VEGFC: variants seen among roughly 807,000 people sequenced by gnomAD.
VEGFC encodes the protein FLT4 ligand DHM.
Under a neutral mutation model 46.1 loss-of-function variants are expected in VEGFC, and 12 were observed. That is an observed-to-expected ratio of 0.26 (90% CI 0.17 to 0.42). The LOEUF is 0.42. Among genes scored for constraint, VEGFC ranks in the 10% least tolerant of loss-of-function variants. VEGFC has a pLI of 1.00. For synonymous variants in VEGFC, 232 were observed against 195.5 expected (o/e 1.19, Z -1.56); for missense variants, 488 against 529.4 (o/e 0.92, Z 0.77).
intron 1 of VEGFC, among the ~76,000 whole-genome samples, chr4:176,783,978 G>A (rs1465220731): frequency 2.0e-5 from 3 of 151,716 alleles, no homozygotes; most frequent in Admixed American, 6.5e-5. Context: ...TTCTGATCAT[G>A]AAGACTATCT....
chr4:176,782,147 A>G (rs1300246030), intron 1 of VEGFC, among the ~76,000 whole-genome samples: 1 of 152,258 alleles, frequency 6.6e-6, no homozygotes, highest in Non-Finnish European at 1.5e-5. Flanking sequence ...TCTAACAATA[A>G]AAATGTAAGC....
intron 6 of VEGFC, among the ~76,000 whole-genome samples, chr4:176,686,372 G>A (rs1438566378): frequency 6.6e-6 from 1 of 152,198 alleles, no homozygotes; most frequent in African/African-American, 2.4e-5. Flanking sequence ...GAAGAGAACA[G>A]ACCTGGGTTG....
chr4:176,732,792 C>T (rs904166084), intron 1 of VEGFC, among the ~76,000 whole-genome samples: 23 of 151,042 alleles, frequency 1.5e-4, no homozygotes, highest in African/African-American at 5.3e-4. Context: ...ACACTTAATA[C>T]CAATAGCAAT....
At position 176,715,213 on chromosome 4, in the gene VEGFC, C is replaced by A. The variant is rs535911632; in HGVS notation, c.553-3563G>T. On this transcript the variant is annotated intron_variant, in intron 3 of 6. Coordinates refer to ENST00000618562, the MANE Select transcript of VEGFC (RefSeq NM_005429.5). ...TTTTTTGTGTCTAAGTAGCAATTGG[C>A]AGGCTGAATTCAGTTAATTTTGTCA... is the stretch of plus-strand genomic sequence containing the variant. 4.0e-4 allele frequency among the ~76,000 whole-genome samples: 61 copies of A among 152,186 alleles called. 1 individual carries two copies. Among genetic ancestry groups the A allele is most frequent in the African/African-American group, 1.4e-3 (59 of 41,520 alleles).
At chr4:176,688,075 A>G (rs997956595) in intron 4 of VEGFC, 148 bp from the exon 5 acceptor site, 9 of 526,622 alleles carry the variant, frequency 1.7e-5, no homozygotes, top group Non-Finnish European at 3.0e-5. Flanking sequence ...TTTCTCCCAA[A>G]CTCTCTCTAC....
intron 1 of VEGFC, among the ~76,000 whole-genome samples, chr4:176,777,967 T>C (rs77081511): frequency 0.093 from 13,145 of 140,808 alleles, 2,049 homozygotes; most frequent in African/African-American, 0.29. Flanking sequence ...TTGTTATATG[T>C]AGAGGATCTA....
At chr4:176,743,384 C>T (rs1338253974) in intron 1 of VEGFC, among the ~76,000 whole-genome samples, 1 of 151,496 alleles carries the variant, frequency 6.6e-6, no homozygotes. Context: ...AAATAATGTC[C>T]AATAAAAATT....
At chr4:176,771,625 A>G (rs912665997) in intron 1 of VEGFC, among the ~76,000 whole-genome samples, 1 of 152,180 alleles carries the variant, frequency 6.6e-6, no homozygotes, top group Non-Finnish European at 1.5e-5. Context: ...AGAGAGGCAC[A>G]GGTAGACACA....
intron 1 of VEGFC, among the ~76,000 whole-genome samples, chr4:176,774,856 A>C (rs1045969397): frequency 2.0e-5 from 3 of 151,766 alleles, no homozygotes; most frequent in African/African-American, 7.3e-5. Context: ...CTTATGCTTT[A>C]CTGTTGCTTT....
intron 1 of VEGFC, among the ~76,000 whole-genome samples, chr4:176,778,835 G>A (rs1476583851): frequency 1.3e-5 from 2 of 151,958 alleles, no homozygotes; most frequent in Non-Finnish European, 2.9e-5. Context: ...ATTTCTTTCT[G>A]TCCTCATAAA....
At chr4:176,703,891 T>C (rs763221816) in intron 4 of VEGFC, among the ~76,000 whole-genome samples, 3 of 152,258 alleles carry the variant, frequency 2.0e-5, no homozygotes, top group Non-Finnish European at 4.4e-5. Context: ...TTACTTACCC[T>C]TTCTGATTCA....
intron 1 of VEGFC, among the ~76,000 whole-genome samples, chr4:176,786,911 G>A (rs939724493): frequency 2.0e-5 from 3 of 152,018 alleles, no homozygotes; most frequent in Non-Finnish European, 4.4e-5. Flanking sequence ...TGTGGAACAG[G>A]GCTACAATCC....
intron 1 of VEGFC, among the ~76,000 whole-genome samples, chr4:176,751,088 TAATTC>T (rs1354925843): frequency 6.6e-6 from 1 of 151,738 alleles, no homozygotes. Flanking sequence ...AAATTTAAGG[TAATTC>T]AACTCAAGAA....
rs1411067610 is a variant in VEGFC at position 176,714,917 on chromosome 4, C to T, written c.553-3267G>A. 2.6e-5 allele frequency among the ~76,000 whole-genome samples: 4 copies of T among 152,178 alleles called. No individual in the cohort carries two copies. In the East Asian group the frequency reaches 7.7e-4, roughly 29 times the overall value. ...TCTTCCTGGAAAACTAAGTGTGGCT[C>T]TATGCTTTCAAAGGCTGCAAGAAAT... On this transcript the variant is annotated intron_variant, in intron 3 of 6. Coordinates refer to ENST00000618562, the MANE Select transcript of VEGFC (RefSeq NM_005429.5).
At chr4:176,776,599 A>G (rs1735816969) in intron 1 of VEGFC, among the ~76,000 whole-genome samples, 2 of 152,234 alleles carry the variant, frequency 1.3e-5, no homozygotes, top group African/African-American at 2.4e-5. Context: ...GGCCACCTAC[A>G]GAAGAGTCGT....
intron 1 of VEGFC, among the ~76,000 whole-genome samples, chr4:176,743,937 C>T (rs1015183127): frequency 6.6e-6 from 1 of 151,834 alleles, no homozygotes; most frequent in Non-Finnish European, 1.5e-5. Flanking sequence ...TCAATATTTT[C>T]ATTTCCAAAA....
intron 4 of VEGFC, among the ~76,000 whole-genome samples, chr4:176,707,777 TATG>T (rs374932975): frequency 6.7e-4 from 102 of 152,186 alleles, no homozygotes; most frequent in African/African-American, 2.3e-3. Flanking sequence ...GCTATGAAAT[TATG>T]GTGACTAGAT....
chr4:176,697,979 C>T (rs563644375), intron 4 of VEGFC, among the ~76,000 whole-genome samples: 1 of 148,768 alleles, frequency 6.7e-6, no homozygotes, highest in East Asian at 2.0e-4. Context: ...ACTCTGGGGA[C>T]TGTTGTGGGG....
chr4:176,786,327 T>G (rs1736001924), intron 1 of VEGFC, among the ~76,000 whole-genome samples: 1 of 152,234 alleles, frequency 6.6e-6, no homozygotes, highest in East Asian at 1.9e-4. Flanking sequence ...GCTCTTGACT[T>G]TTGCACCAAA....
Sources: allele counts gnomAD v4.1 joint callset (sites outside exome capture counted in the v4.1 genomes callset), GRCh38; gene constraint gnomAD v4.1.1; transcripts MANE v1.5; gene names NCBI Gene and HGNC (gene_info 2026-07-23, HGNC 2026-07-21).